Variants in ANKFN1 observed in about 807,000 individuals in gnomAD.
The protein encoded by ANKFN1 is ankyrin repeat and fibronectin type-III domain-containing protein 1.
In ANKFN1, 74 loss-of-function variants were observed where a neutral mutation model predicts 108.7. The observed-to-expected ratio is 0.68, with a 90% confidence interval of 0.56 to 0.83. ANKFN1 has a LOEUF of 0.83. Among genes scored for constraint, ANKFN1 ranks in the 40% least tolerant of loss-of-function variants. The probability of loss-of-function intolerance (pLI) is 0.00; values close to 1 mark genes in which losing one functional copy is unlikely to be tolerated. For synonymous variants in ANKFN1, 547 were observed against 516.2 expected (o/e 1.06, Z -0.81); for missense variants, 1,505 against 1,382.3 (o/e 1.09, Z -1.41).
At chr17:56,097,166 C>T (rs1439291099) in intron 4 of ANKFN1, among the ~76,000 whole-genome samples, 5 of 152,182 alleles carry the variant, frequency 3.3e-5, no homozygotes, top group African/African-American at 1.2e-4. Context: ...ACAGAATAAT[C>T]TGCACACCAA....
chr17:56,341,740 T>C (rs2045964543), intron 4 of ANKFN1, among the ~76,000 whole-genome samples: 1 of 152,066 alleles, frequency 6.6e-6, no homozygotes, highest in Admixed American at 6.6e-5. Context: ...GCATCAATGT[T>C]CTTCCAGGAC....
chr17:56,336,776 T>TG (rs773731471), intron 4 of ANKFN1, among the ~76,000 whole-genome samples: 6 of 152,226 alleles, frequency 3.9e-5, no homozygotes, highest in Non-Finnish European at 7.3e-5. Context: ...TGAATTTGTT[T>TG]GCTCTTGCTT....
At chr17:56,435,380 A>C (rs2048898728) in intron 8 of ANKFN1, among the ~76,000 whole-genome samples, 1 of 152,198 alleles carries the variant, frequency 6.6e-6, no homozygotes, top group South Asian at 2.1e-4. Flanking sequence ...TAAAACAATA[A>C]AGCAAGTACA....
intron 4 of ANKFN1, among the ~76,000 whole-genome samples, chr17:56,141,290 C>T (rs1477472394): frequency 2.0e-5 from 3 of 152,168 alleles, no homozygotes; most frequent in African/African-American, 4.8e-5. Flanking sequence ...TGCTGACAGA[C>T]GTGTGGTGAT....
At chr17:56,152,412 C>CT (rs948317090), upstream of ANKFN1, among the ~76,000 whole-genome samples, 31 of 151,024 alleles carry the variant, frequency 2.1e-4, 1 homozygote, top group East Asian at 5.8e-4. Flanking sequence ...ATTTACTTGT[C>CT]TTTTTTTTTC....
intron 8 of ANKFN1, among the ~76,000 whole-genome samples, chr17:56,421,567 A>G (rs1371234057): frequency 6.6e-6 from 1 of 152,226 alleles, no homozygotes; most frequent in African/African-American, 2.4e-5. Context: ...CTGCCTAGGA[A>G]AAATACAAAA....
intron 4 of ANKFN1, among the ~76,000 whole-genome samples, chr17:56,129,047 G>A (rs1044860780): frequency 3.3e-5 from 5 of 152,178 alleles, no homozygotes; most frequent in Non-Finnish European, 5.9e-5. Flanking sequence ...GAAAAAAGGA[G>A]AAGATACTGC....
intron 1 of ANKFN1, among the ~76,000 whole-genome samples, chr17:56,170,769 A>ATT (rs1491337475): frequency 2.1e-4 from 11 of 52,538 alleles, no homozygotes; most frequent in South Asian, 7.5e-4. Flanking sequence ...TCAAGAAAAA[A>ATT]TTTTTTATAT....
chr17:56,291,711 A>G (rs1185875399), intron 3 of ANKFN1, among the ~76,000 whole-genome samples: 1 of 152,128 alleles, frequency 6.6e-6, no homozygotes, highest in East Asian at 1.9e-4. Context: ...CCTGTGGGCC[A>G]TTCAGAAATT....
chr17:56,164,133 A>T (rs1417255873), intron 1 of ANKFN1, among the ~76,000 whole-genome samples: 2 of 151,878 alleles, frequency 1.3e-5, no homozygotes, highest in Non-Finnish European at 2.9e-5. Flanking sequence ...TATTCCCCTC[A>T]ACTCTGGCCA....
intron 14 of ANKFN1, among the ~76,000 whole-genome samples, chr17:56,458,822 C>T (rs1376264877): frequency 1.3e-5 from 2 of 152,120 alleles, no homozygotes; most frequent in Non-Finnish European, 2.9e-5. Context: ...TCTATGTAAG[C>T]TGTGTTTGGC....
chr17:56,327,853 A>G (rs1383676266), intron 4 of ANKFN1, among the ~76,000 whole-genome samples: 1 of 152,212 alleles, frequency 6.6e-6, no homozygotes, highest in East Asian at 1.9e-4. Flanking sequence ...ATGATGAACT[A>G]AGTATTCAAG....
At chr17:56,376,713 C>T (rs1238018364) in intron 8 of ANKFN1, among the ~76,000 whole-genome samples, 1 of 152,160 alleles carries the variant, frequency 6.6e-6, no homozygotes, top group East Asian at 1.9e-4. Flanking sequence ...TCTCAGGAGA[C>T]TTGCATTTGG....
chr17:56,402,666 TTTTGTTTGTTTG>T (rs199550559), intron 8 of ANKFN1, among the ~76,000 whole-genome samples: 1 of 151,914 alleles, frequency 6.6e-6, no homozygotes, highest in Non-Finnish European at 1.5e-5. Flanking sequence ...TGTTTTGTAT[TTTTGTTTGTTTG>T]TTTGTTTGTT....
chr17:56,095,408 C>CA (rs1905514850), intron 4 of ANKFN1, among the ~76,000 whole-genome samples: 1 of 150,868 alleles, frequency 6.6e-6, no homozygotes, highest in African/African-American at 2.4e-5. Context: ...CCTCCTACCT[C>CA]AGCCTCTCAA....
At chr17:56,241,617 G>T (rs1158887809) in intron 3 of ANKFN1, among the ~76,000 whole-genome samples, 2 of 152,092 alleles carry the variant, frequency 1.3e-5, no homozygotes, top group African/African-American at 4.8e-5. Context: ...CTAGTGGATG[G>T]TTGAAACTGC....
intron 8 of ANKFN1, among the ~76,000 whole-genome samples, chr17:56,386,326 TGG>T (rs1018189662): frequency 7.4e-6 from 1 of 135,210 alleles, no homozygotes; most frequent in South Asian, 2.4e-4. Flanking sequence ...TGTTGTGGGG[TGG>T]GGGGAGCGGG....
At chr17:56,139,473 G>C (rs1164960324) in intron 4 of ANKFN1, among the ~76,000 whole-genome samples, 1 of 152,118 alleles carries the variant, frequency 6.6e-6, no homozygotes, top group African/African-American at 2.4e-5. Flanking sequence ...CTCAGCTTGT[G>C]ACCTGCTCAG....
chr17:56,435,534 A>G (rs2048902738), intron 8 of ANKFN1, among the ~76,000 whole-genome samples: 1 of 152,210 alleles, frequency 6.6e-6, no homozygotes, highest in African/African-American at 2.4e-5. Context: ...AGAGGAGGCC[A>G]TATCACAGGA....
Sources: gnomAD v4.1 joint callset for allele counts (sites outside exome capture counted in the v4.1 genomes callset) on GRCh38, gnomAD v4.1.1 for gene constraint, MANE v1.5 for transcripts, NCBI Gene and HGNC (gene_info 2026-07-23, HGNC 2026-07-21) for gene names.